MBD5: variants seen among roughly 807,000 people sequenced by gnomAD.
The protein encoded by MBD5 is methyl-CpG binding domain protein 5, also known as methyl-CpG-binding domain protein 5.
In MBD5, 13 loss-of-function variants were observed where a neutral mutation model predicts 117.3. The ratio of observed to expected loss-of-function variants is 0.11; its 90% confidence interval spans 0.07 to 0.18. The LOEUF (loss-of-function observed/expected upper bound fraction) is 0.18. Ranked by LOEUF, MBD5 falls within the 10% of genes least tolerant of loss-of-function variation. The probability of loss-of-function intolerance (pLI) is 1.00; values close to 1 mark genes in which losing one functional copy is unlikely to be tolerated. For synonymous variants in MBD5, 727 were observed against 766.4 expected (o/e 0.95, Z 0.85); for missense variants, 1,879 against 2,093.8 (o/e 0.90, Z 2.00).
intron 4 of MBD5, among the ~76,000 whole-genome samples, chr2:148,420,815 C>G (rs1442014956): frequency 6.6e-6 from 1 of 152,072 alleles, no homozygotes; most frequent in Non-Finnish European, 1.5e-5. Context: ...CAACCTCCTG[C>G]CTCCCAGACT....
intron 3 of MBD5, among the ~76,000 whole-genome samples, chr2:148,295,416 T>G (rs572476825): frequency 9.2e-5 from 14 of 152,346 alleles, no homozygotes; most frequent in African/African-American, 3.4e-4. Flanking sequence ...ATCCATAGTC[T>G]TTGCTTCATT....
intron 4 of MBD5, among the ~76,000 whole-genome samples, chr2:148,345,730 T>A (rs1703108514): frequency 6.6e-6 from 1 of 150,386 alleles, no homozygotes; most frequent in Admixed American, 6.7e-5. Context: ...TGGAAGTTTA[T>A]TAAGCATTAA....
intron 3 of MBD5, among the ~76,000 whole-genome samples, chr2:148,316,730 T>C (rs1702166231): frequency 6.6e-6 from 1 of 152,062 alleles, no homozygotes; most frequent in African/African-American, 2.4e-5. Context: ...AAAAATGAAG[T>C]TGATGGTTAA....
At chr2:148,350,084 C>G (rs1043667036) in intron 4 of MBD5, among the ~76,000 whole-genome samples, 1 of 151,840 alleles carries the variant, frequency 6.6e-6, no homozygotes, top group Non-Finnish European at 1.5e-5. Flanking sequence ...AAACAATGCC[C>G]CCATAACCTA....
At chr2:148,347,020 T>C (rs1703140264) in intron 4 of MBD5, 1 of 152,056 alleles carries the variant, frequency 6.6e-6, no homozygotes, top group Admixed American at 6.6e-5. Flanking sequence ...CCCTGTATTA[T>C]TCTGAAGCAA....
intron 4 of MBD5, among the ~76,000 whole-genome samples, chr2:148,446,357 G>GT (rs1706525146): frequency 6.6e-6 from 1 of 151,940 alleles, no homozygotes; most frequent in Admixed American, 6.6e-5. Context: ...TCATTCCCTA[G>GT]TTTTTCTAAT....
At chr2:148,441,622 G>C (rs1706325953) in intron 4 of MBD5, among the ~76,000 whole-genome samples, 1 of 152,172 alleles carries the variant, frequency 6.6e-6, no homozygotes, top group South Asian at 2.1e-4. Context: ...TATATACCCA[G>C]TAATGGGATT....
At chr2:148,507,353 T>A (rs1036097066) in intron 12 of MBD5, among the ~76,000 whole-genome samples, 1 of 152,276 alleles carries the variant, frequency 6.6e-6, no homozygotes, top group African/African-American at 2.4e-5. Flanking sequence ...AAATTAGAAT[T>A]AATTTCACCA....
At chr2:148,202,341 T>A (rs986852123) in intron 2 of MBD5, among the ~76,000 whole-genome samples, 1 of 152,172 alleles carries the variant, frequency 6.6e-6, no homozygotes, top group Non-Finnish European at 1.5e-5. Flanking sequence ...GTAGTGATAT[T>A]CAAGCAGAAA....
chr2:148,101,107 T>G (rs1205525353), intron 1 of MBD5, among the ~76,000 whole-genome samples: 1 of 152,152 alleles, frequency 6.6e-6, no homozygotes, highest in Non-Finnish European at 1.5e-5. Context: ...TATTGTAAAT[T>G]TTTTTGTGGC....
intron 1 of MBD5, among the ~76,000 whole-genome samples, chr2:148,121,436 C>T (rs1285916936): frequency 6.6e-6 from 1 of 151,352 alleles, no homozygotes; most frequent in African/African-American, 2.4e-5. Context: ...CAATGATATG[C>T]ATTTCTCTCA....
chr2:148,387,849 G>A (rs1203619573), intron 4 of MBD5, among the ~76,000 whole-genome samples: 1 of 151,966 alleles, frequency 6.6e-6, no homozygotes, highest in African/African-American at 2.4e-5. Flanking sequence ...AGACTTTATT[G>A]AACAATATTA....
chr2:148,422,037 C>T (rs1308136291), intron 4 of MBD5, among the ~76,000 whole-genome samples: 1 of 152,218 alleles, frequency 6.6e-6, no homozygotes, highest in Non-Finnish European at 1.5e-5. Flanking sequence ...TGCCTGACAG[C>T]TCTGAAGACA....
In MBD5 at chr2:148,229,623, G is replaced by C. The variant is rs553902640; in HGVS notation, c.-830-3622G>C. On this transcript the variant is annotated intron_variant, in intron 2 of 13. Coordinates refer to ENST00000642680, the MANE Select transcript of MBD5 (RefSeq NM_001378120.1). ...TAGTCTTCACTTTCTGTACTTACTC[G>C]TAGCTGTCCTTCTTGGGAAGGCTTT... Among the ~76,000 whole-genome samples the C allele has an allele frequency of 3.3e-5, 5 of 152,206 alleles. No homozygotes were observed. The South Asian group carries it at 8.3e-4, about 25-fold the overall frequency.
chr2:148,353,433 A>C (rs1381549016), intron 4 of MBD5, among the ~76,000 whole-genome samples: 1 of 152,062 alleles, frequency 6.6e-6, no homozygotes, highest in African/African-American at 2.4e-5. Flanking sequence ...TTCAGGTAAA[A>C]GTAATTTGCT....
At chr2:148,397,955 C>T (rs537251679) in intron 4 of MBD5, among the ~76,000 whole-genome samples, 11 of 152,274 alleles carry the variant, frequency 7.2e-5, no homozygotes, top group African/African-American at 2.6e-4. Flanking sequence ...TTTCCAGCTT[C>T]ATCCATATCC....
At chr2:148,094,547 A>G (rs957041464) in intron 1 of MBD5, among the ~76,000 whole-genome samples, 1 of 152,174 alleles carries the variant, frequency 6.6e-6, no homozygotes, top group Admixed American at 6.5e-5. Context: ...AATCATTTTC[A>G]TAGGTACCCT....
intron 3 of MBD5, among the ~76,000 whole-genome samples, chr2:148,327,063 C>G (rs1473725784): frequency 6.6e-6 from 1 of 151,890 alleles, no homozygotes; most frequent in Non-Finnish European, 1.5e-5. Context: ...ATTTGCTTGT[C>G]TGTAAAGTAT....
intron 3 of MBD5, among the ~76,000 whole-genome samples, chr2:148,337,377 A>T (rs1702825893): frequency 6.6e-6 from 1 of 152,200 alleles, no homozygotes; most frequent in Non-Finnish European, 1.5e-5. Flanking sequence ...TTTATCATGT[A>T]AGCTTTATAC....
Sources: allele counts gnomAD v4.1 joint callset (sites outside exome capture counted in the v4.1 genomes callset), GRCh38; gene constraint gnomAD v4.1.1; transcripts MANE v1.5; gene names NCBI Gene and HGNC (gene_info 2026-07-23, HGNC 2026-07-21).